DDX31: variants seen among roughly 807,000 people sequenced by gnomAD.
DDX31 encodes the protein DEAD-box helicase 31.
Under a neutral mutation model 91.3 loss-of-function variants are expected in DDX31, and 70 were observed. That is an observed-to-expected ratio of 0.77 (90% CI 0.63 to 0.94). The LOEUF is 0.94. DDX31 is among the 40% of genes least tolerant of loss of function. The pLI is 0.00. For synonymous variants in DDX31, 362 were observed against 350.6 expected, an observed-to-expected ratio of 1.03 and a Z score of -0.36; for missense variants, 902 against 925.0, an observed-to-expected ratio of 0.98 and a Z score of 0.32.
In DDX31 at chr9:132,668,569, CTT is replaced by C. The variant is rs35034055; in HGVS notation, c.75+1289_75+1290del. ...TGTGCCCAAGGTGGTCGGGGTGCAGCTTTTTTTTTTTTTTTTGAGACGGAGTC... is the reference window on the plus strand; with the variant it reads ...TGTGCCCAAGGTGGTCGGGGTGCAGCTTTTTTTTTTTTTTGAGACGGAGTC... On this transcript the variant is annotated intron_variant, in intron 1 of 19. Transcript: ENST00000372159. Among the ~76,000 whole-genome samples the C allele has an allele frequency of 6.4e-3, 821 of 127,378 alleles. 5 individuals carry two copies. Among genetic ancestry groups the C allele is most frequent in the African/African-American group, 0.013 (457 of 34,640 alleles). 83.6% of individuals were successfully genotyped at this position (127,378 alleles called of 152,430 possible).
At chr9:132,630,714 C>A (rs906572931) in intron 15 of DDX31, among the ~76,000 whole-genome samples, 1 of 152,256 alleles carries the variant, frequency 6.6e-6, no homozygotes, top group African/African-American at 2.4e-5. Context: ...CATCTTTTCA[C>A]TGTGGTGACT....
chr9:132,658,119 T>A lies in DDX31; in HGVS notation c.588+552A>T. 5.3e-6 allele frequency: 3 copies of A among 561,692 alleles called. No homozygotes were observed. In the South Asian group the frequency reaches 7.7e-5, roughly 14 times the overall value. The allele number at this position is 561,692 out of a possible 1,614,324, so 34.8% of individuals were successfully genotyped here. A position where few individuals can be genotyped will look rare whatever the true frequency, so the allele number is the denominator to read the frequency against. On this transcript the variant is annotated intron_variant, in intron 6 of 19. Coordinates refer to ENST00000372159, the MANE Select transcript of DDX31 (RefSeq NM_022779.9). ...CCAAATCACCTTTATTGAGTGACCA[T>A]TCTGTAAAAGGTCCCACGTTAGGTA...
intron 19 of DDX31, among the ~76,000 whole-genome samples, chr9:132,602,228 C>A (rs1032611575): frequency 3.9e-5 from 6 of 152,362 alleles, no homozygotes; most frequent in Non-Finnish European, 7.3e-5. Context: ...GGCTGCAAGG[C>A]ACTGGGACGC....
At chr9:132,667,761 T>C (rs1430832239) in intron 1 of DDX31, among the ~76,000 whole-genome samples, 2 of 152,198 alleles carry the variant, frequency 1.3e-5, no homozygotes, top group African/African-American at 4.8e-5. Context: ...TACCAGGCTC[T>C]GCAGAGGACA....
chr9:132,648,864 T>C (rs1031048277), intron 9 of DDX31, among the ~76,000 whole-genome samples: 1 of 152,174 alleles, frequency 6.6e-6, no homozygotes, highest in Admixed American at 6.5e-5. Flanking sequence ...CCAAAGAGAT[T>C]GTAGTCTAGC....
rs34246652 is a variant in DDX31, at chr9:132,618,410, C to T, written c.1745G>A (p.Arg582Gln). The T allele has an allele frequency of 1.1e-3, 1,705 of 1,611,650 alleles. 16 individuals carry two copies. In the African/African-American group the frequency reaches 0.02, roughly 19 times the overall value. Reference sequence around the variant, plus strand: ...CGTCTGCAAGACTGTGGCTCGCTCTCGGATTTCCTGGGGGCCAACAGCATG... The same window carrying T: ...CGTCTGCAAGACTGTGGCTCGCTCTTGGATTTCCTGGGGGCCAACAGCATG... ...KSHAVGPQEI[R>Q]ERATVLQTVF... The change falls in exon 18 of 20, where the codon CGA becomes CAA. Residue 582 changes from arginine (R) to glutamine (Q), a missense_variant. Transcript: ENST00000372159.
intron 9 of DDX31, among the ~76,000 whole-genome samples, chr9:132,649,690 CATT>C (rs775989629): frequency 6.6e-6 from 1 of 152,328 alleles, no homozygotes; most frequent in East Asian, 1.9e-4. Context: ...CTACATGCAT[CATT>C]ATTGAGTACT....
Position 132,630,306 on chromosome 9 carries a change from G to C in DDX31, c.1589C>G (p.Ser530Trp). The C allele has an allele frequency of 6.3e-7, 1 of 1,595,230 alleles. No homozygotes were observed. ...HGSSLLILAP[S>W]EAEYVNSLAS... ...CAACGAGTTGACATATTCTGCCTCC[G>C]AAGGAGCCAAAATGAGCAGGCTGCT... Residue 530 changes from serine to tryptophan, a missense_variant, in exon 16 of 20, where the codon TCG (serine) becomes TGG (tryptophan). Physicochemically the swap from Ser to Trp is radical, Grantham distance 177. Coordinates refer to ENST00000372159, the MANE Select transcript of DDX31 (RefSeq NM_022779.9).
Position 132,641,941 on chromosome 9 carries a change from A to G in DDX31, c.1440+63T>C. 3.0e-5 allele frequency: 46 copies of G among 1,543,642 alleles called. No homozygotes were observed. The South Asian group carries it at 4.9e-4, about 16-fold the overall frequency. On this transcript the variant is annotated intron_variant, in intron 14 of 19. Coordinates refer to ENST00000372159, the MANE Select transcript of DDX31 (RefSeq NM_022779.9). Reference sequence around the variant, plus strand: ...CCACAGGACAAACTGTCAAGAGACGAAAGATTACACAGCCATCACAGAAAT... The same window carrying G: ...CCACAGGACAAACTGTCAAGAGACGGAAGATTACACAGCCATCACAGAAAT...
rs1830345243 is a variant in DDX31, at chr9:132,594,660, A to G, written c.*206T>C. The stretch of plus-strand genomic sequence containing the variant: ...AGACCCCTTCCGTCGGGAGCTGGCT[A>G]GTCTCTACAGTGCCCCACACCACTG... On this transcript the variant is annotated 3_prime_UTR_variant, in exon 20 of 20. Coordinates refer to ENST00000372159, the MANE Select transcript of DDX31 (RefSeq NM_022779.9). The G allele has an allele frequency of 1.3e-6, 1 of 743,942 alleles. No individual in the cohort carries two copies. The highest frequency in any genetic ancestry group is 1.8e-5 in the African/African-American group (1 of 56,638). The allele number at this position is 743,942 out of a possible 1,614,324, so 46.1% of individuals were successfully genotyped here.
At chr9:132,604,170 T>C (rs902397983) in intron 19 of DDX31, among the ~76,000 whole-genome samples, 1 of 152,226 alleles carries the variant, frequency 6.6e-6, no homozygotes, top group African/African-American at 2.4e-5. Flanking sequence ...GCAACCCATT[T>C]GGAGTTGCCT....
At chr9:132,598,578 T>C (rs145934458) in intron 19 of DDX31, among the ~76,000 whole-genome samples, 224 of 152,290 alleles carry the variant, frequency 1.5e-3, no homozygotes, top group Admixed American at 4.3e-3. Flanking sequence ...AGTAAATCAA[T>C]ATACCCCGTT....
chr9:132,651,000 G>C, intron 8 of DDX31, 75 bp downstream of exon 8: 2 of 1,309,612 alleles, frequency 1.5e-6, no homozygotes, highest in Non-Finnish European at 2.2e-6. Flanking sequence ...TGAAAATAAA[G>C]AATAGACTGT....
intron 16 of DDX31, 148 bp downstream of exon 16, chr9:132,630,116 G>C (rs1590028582): frequency 2.4e-6 from 2 of 818,714 alleles, no homozygotes; most frequent in Non-Finnish European, 1.8e-6. Flanking sequence ...AAAGGTTTTA[G>C]TTTTTGCCAC....
chr9:132,653,588 A>C (rs1385967076), intron 6 of DDX31, among the ~76,000 whole-genome samples: 2 of 151,418 alleles, frequency 1.3e-5, no homozygotes, highest in African/African-American at 4.8e-5. Flanking sequence ...AGATAAAAGG[A>C]ATATAAGCTT....
At chr9:132,610,914 ACCAATGGTCACTTC>A (rs1831292878) in intron 19 of DDX31, among the ~76,000 whole-genome samples, 3 of 152,160 alleles carry the variant, frequency 2.0e-5, no homozygotes, top group Non-Finnish European at 2.9e-5. Flanking sequence ...TGACTGCAAG[ACCAATGGTCACTTC>A]CCTCCACTGG....
At position 132,669,673 on chromosome 9, in the gene DDX31, C is replaced by T. The variant is rs1303920548; in HGVS notation, c.75+187G>A. 2.0e-6 allele frequency: 3 copies of T among 1,533,454 alleles called. No homozygotes were observed. The South Asian group carries it at 3.6e-5, about 18-fold the overall frequency. The allele number at this position is 1,533,454 out of a possible 1,614,324, so 95.0% of individuals were successfully genotyped here. A position where few individuals can be genotyped will look rare whatever the true frequency, so the allele number is the denominator to read the frequency against. ...TCCACTCCCCGCTTCCAGGCGCATC[C>T]CTGCGGGTGGTGTTCCGGTTAGAGA... On this transcript the variant is annotated intron_variant, in intron 1 of 19. Coordinates refer to ENST00000372159, the MANE Select transcript of DDX31 (RefSeq NM_022779.9).
chr9:132,603,997 G>A (rs1830866861), intron 19 of DDX31, among the ~76,000 whole-genome samples: 3 of 152,184 alleles, frequency 2.0e-5, no homozygotes, highest in Admixed American at 2.0e-4. Context: ...AAGGCCAAAT[G>A]TAAAAAGCTG....
chr9:132,651,210 C>A, intron 7 of DDX31, 94 bp from the exon 8 acceptor site: 1 of 1,068,776 alleles, frequency 9.4e-7, no homozygotes. Flanking sequence ...AAACTTGGAC[C>A]TCAAGTTAAG....
Sources: allele counts gnomAD v4.1 joint callset (sites outside exome capture counted in the v4.1 genomes callset), GRCh38; gene constraint gnomAD v4.1.1; transcripts MANE v1.5; gene names NCBI Gene and HGNC (gene_info 2026-07-23, HGNC 2026-07-21).